The following BEND5 variants were observed in gnomAD, a reference collection of about 807,000 sequenced individuals.
BEND5 encodes the protein BEN domain containing 5, also known as BEN domain-containing protein 5.
In BEND5, 22 loss-of-function variants were observed where a neutral mutation model predicts 43.9. That is an observed-to-expected ratio of 0.50 (90% CI 0.36 to 0.72). BEND5 has a LOEUF of 0.72. Ranked by LOEUF, BEND5 falls within the 30% of genes least tolerant of loss-of-function variation. The pLI is 0.00. For synonymous variants in BEND5, 228 were observed against 225.9 expected (o/e 1.01, Z -0.08); for missense variants, 428 against 550.6 (o/e 0.78, Z 2.23).
intron 3 of BEND5, among the ~76,000 whole-genome samples, chr1:48,744,916 G>A (rs754506723): frequency 6.6e-6 from 1 of 152,182 alleles, no homozygotes; most frequent in Non-Finnish European, 1.5e-5. Flanking sequence ...TACCTCATCT[G>A]TCTGCCAAGC....
intron 4 of BEND5, among the ~76,000 whole-genome samples, chr1:48,741,830 C>T (rs905838516): frequency 9.2e-5 from 14 of 152,172 alleles, no homozygotes; most frequent in African/African-American, 3.4e-4. Flanking sequence ...TGGCAGAGAA[C>T]ATAACGCTAA....
intron 1 of BEND5, among the ~76,000 whole-genome samples, chr1:48,775,992 G>A (rs536813865): frequency 6.6e-6 from 1 of 152,212 alleles, no homozygotes; most frequent in East Asian, 1.9e-4. Flanking sequence ...GGAGGGGCAG[G>A]AGAGTGTGGT....
At chr1:48,751,110 T>C (rs1651668739) in intron 3 of BEND5, among the ~76,000 whole-genome samples, 1 of 152,134 alleles carries the variant, frequency 6.6e-6, no homozygotes, top group Admixed American at 6.5e-5. Flanking sequence ...CAGTTGTCCA[T>C]CTATAAGATA....
At chr1:48,765,489 T>C (rs1300951591) in intron 1 of BEND5, among the ~76,000 whole-genome samples, 2 of 152,230 alleles carry the variant, frequency 1.3e-5, no homozygotes, top group African/African-American at 2.4e-5. Context: ...TGGGCAGCCA[T>C]AGTAGAGAAC....
At chr1:48,739,550 T>C (rs1649588850) in intron 4 of BEND5, among the ~76,000 whole-genome samples, 2 of 152,358 alleles carry the variant, frequency 1.3e-5, no homozygotes, top group South Asian at 4.1e-4. Context: ...GGATGGGTGC[T>C]GGAGCTGCCA....
chr1:48,754,334 C>T (rs1426345123), intron 3 of BEND5, among the ~76,000 whole-genome samples: 2 of 152,220 alleles, frequency 1.3e-5, no homozygotes, highest in African/African-American at 4.8e-5. Flanking sequence ...GGTTTAAACA[C>T]ACCATTCTAA....
chr1:48,728,379 T>C lies in BEND5; in HGVS notation c.1109-336A>G, dbSNP rs529532484. The stretch of plus-strand genomic sequence containing the variant: ...CATTCTCCTGAACTTTTGCCTTTTT[T>C]TTTTTCTTTTAGTGTTAACACATGT... On this transcript the variant is annotated intron_variant, in intron 5 of 5. Transcript: ENST00000371833. 7.2e-5 allele frequency among the ~76,000 whole-genome samples: 11 copies of C among 152,232 alleles called. No homozygotes were observed. In the East Asian group the frequency reaches 1.9e-3, roughly 27 times the overall value.
chr1:48,727,965 T>C lies in BEND5; in HGVS notation c.1187A>G (p.Tyr396Cys). ...GATATCCATGATTTTTTCACAGATG[T>C]ACTTGTTGACTTTGGAGAGTCTCTG... ...IAQRLSKVNK[Y>C]ICEKIMDINK... Residue 396 changes from tyrosine (Y) to cysteine (C), a missense_variant, in exon 6 of 6, where the codon TAC (tyrosine) becomes TGC (cysteine). Around this residue, in one of 4 missense-constraint regions of BEND5, gnomAD observed 75 missense variants for 148.5 expected, o/e 0.50. Coordinates refer to ENST00000371833, the MANE Select transcript of BEND5 (RefSeq NM_024603.4). The C allele has an allele frequency of 1.2e-6, 2 of 1,612,032 alleles. No individual in the cohort carries two copies. Among genetic ancestry groups the C allele is most frequent in the Non-Finnish European group, 1.7e-6 (2 of 1,178,386 alleles).
At chr1:48,754,385 T>C (rs11588207) in intron 3 of BEND5, among the ~76,000 whole-genome samples, 1 of 152,182 alleles carries the variant, frequency 6.6e-6, no homozygotes, top group Non-Finnish European at 1.5e-5. Flanking sequence ...CTCTGTCTTG[T>C]TCATTACGTT....
chr1:48,754,071 T>C (rs1652151015), intron 3 of BEND5, among the ~76,000 whole-genome samples: 1 of 152,204 alleles, frequency 6.6e-6, no homozygotes, highest in Admixed American at 6.5e-5. Flanking sequence ...AGAGTCTTAT[T>C]TGAACTAATG....
intron 3 of BEND5, among the ~76,000 whole-genome samples, chr1:48,756,102 C>T (rs1004440196): frequency 1.3e-5 from 2 of 152,130 alleles, no homozygotes; most frequent in Admixed American, 6.5e-5. Flanking sequence ...AGGCACTATG[C>T]GGTGTGTCAC....
chr1:48,728,026 T>C lies in BEND5; in HGVS notation c.1126A>G (p.Ile376Val). The change falls in exon 6 of 6, where the codon ATA (isoleucine) becomes GTA (valine). Residue 376 changes from isoleucine (I) to valine (V), a missense_variant. Around this residue, in one of 4 missense-constraint regions of BEND5, gnomAD observed 75 missense variants for 148.5 expected, o/e 0.50. Transcript: ENST00000371833. Reference sequence around the variant, plus strand: ...GTTTCATCCACAGTTTCTTGTGCTATTCTGTCATACAAACACTCTAGACGG... The same window carrying C: ...GTTTCATCCACAGTTTCTTGTGCTACTCTGTCATACAAACACTCTAGACGG... The part of the protein sequence containing the change: ...SIVRECLYDR[I>V]AQETVDETEI... 1.2e-6 allele frequency: 2 copies of C among 1,610,488 alleles called. No individual in the cohort carries two copies. The highest frequency in any genetic ancestry group is 2.7e-5 in the African/African-American group (2 of 74,996).
rs77465819 is a variant in BEND5 at position 48,751,524 on chromosome 1, C to T, written c.745+7376G>A. On this transcript the variant is annotated intron_variant, in intron 3 of 5. Coordinates refer to ENST00000371833, the MANE Select transcript of BEND5 (RefSeq NM_024603.4). ...CTAATCTCTCTGAGCCTGTTTTATC[C>T]ACTGCTGAGGTTGTTTTATATATGG... Among the ~76,000 whole-genome samples, 523 of 152,278 alleles carry T rather than the reference C, an allele frequency of 3.4e-3. 7 individuals are homozygous for T. Among genetic ancestry groups the T allele is most frequent in the Non-Finnish European group, 6.4e-3 (437 of 68,008 alleles).
intron 5 of BEND5, among the ~76,000 whole-genome samples, chr1:48,735,506 G>A (rs1648890466): frequency 6.6e-6 from 1 of 150,854 alleles, no homozygotes; most frequent in Non-Finnish European, 1.5e-5. Context: ...GAGGAAGGAA[G>A]GAGGGAAGAA....
intron 1 of BEND5, among the ~76,000 whole-genome samples, chr1:48,769,452 G>A (rs182165450): frequency 1.3e-5 from 2 of 149,580 alleles, no homozygotes; most frequent in Non-Finnish European, 3.0e-5. Context: ...GGATAGGGTC[G>A]CAGAGGAACA....
intron 4 of BEND5, among the ~76,000 whole-genome samples, chr1:48,737,951 A>G (rs1169634521): frequency 6.6e-6 from 1 of 152,176 alleles, no homozygotes; most frequent in Non-Finnish European, 1.5e-5. Flanking sequence ...TGTTTTCAGA[A>G]AGGCCTGCAG....
intron 1 of BEND5, among the ~76,000 whole-genome samples, chr1:48,768,685 T>C (rs1006250115): frequency 2.0e-5 from 3 of 152,206 alleles, no homozygotes; most frequent in Admixed American, 2.0e-4. Context: ...AATAATCCAA[T>C]GTCAGAGAGC....
chr1:48,752,828 CA>C (rs1373621510), intron 3 of BEND5, among the ~76,000 whole-genome samples: 6 of 152,108 alleles, frequency 3.9e-5, no homozygotes, highest in African/African-American at 1.4e-4. Context: ...TGGCTCACTG[CA>C]ACCTCTGCTT....
intron 3 of BEND5, among the ~76,000 whole-genome samples, chr1:48,744,413 C>A (rs1337173091): frequency 1.3e-5 from 2 of 152,208 alleles, no homozygotes; most frequent in Non-Finnish European, 2.9e-5. Flanking sequence ...TTTCTCAGAT[C>A]TGGGAAAAGG....
Sources: gnomAD v4.1 joint callset for allele counts (sites outside exome capture counted in the v4.1 genomes callset) on GRCh38, gnomAD v4.1.1 for gene constraint, gnomAD v4.1.1 regional missense constraint, MANE v1.5 for transcripts, NCBI Gene and HGNC (gene_info 2026-07-23, HGNC 2026-07-21) for gene names.